KCNH8: variants seen among roughly 807,000 people sequenced by gnomAD.
KCNH8 encodes the protein voltage-gated delayed rectifier potassium channel KCNH8.
In KCNH8, 70 loss-of-function variants were observed where a neutral mutation model predicts 103.6. The observed-to-expected ratio is 0.68, with a 90% CI of 0.56 to 0.82. The LOEUF is 0.82. KCNH8 is among the 40% of genes least tolerant of loss of function. The pLI is 0.00. For synonymous variants in KCNH8, 498 were observed against 489.4 expected (o/e 1.02, Z -0.23); for missense variants, 1,217 against 1,329.9 (o/e 0.92, Z 1.32).
In KCNH8 at chr3:19,279,131, G is replaced by C. The variant is rs1329998712; in HGVS notation, c.311-2067G>C. The stretch of plus-strand genomic sequence containing the variant: ...CCCACTATTACTTTCTCTAAGGTCT[G>C]ATTATTAGTTTAGCCTGATGGCTCT... On this transcript the variant is annotated intron_variant, in intron 2 of 15. Transcript: ENST00000328405. Among the ~76,000 whole-genome samples, 11 of 152,280 alleles carry C rather than the reference G, an allele frequency of 7.2e-5. No individual in the cohort carries two copies. The East Asian group carries it at 2.1e-3, about 29-fold the overall frequency.
chr3:19,441,414 A>G (rs1016542089), intron 8 of KCNH8, among the ~76,000 whole-genome samples: 3 of 152,196 alleles, frequency 2.0e-5, no homozygotes, highest in Admixed American at 6.5e-5. Flanking sequence ...TGAAATATTT[A>G]GTGTAATTTC....
chr3:19,235,301 A>T lies in KCNH8; in HGVS notation c.77-18353A>T, dbSNP rs111948641. On this transcript the variant is annotated intron_variant, in intron 1 of 15. Transcript: ENST00000328405. ...CAAAATAATCCATATAGAATGATAC[A>T]ATTTATGTAAATTTTACAAGCACAT... 7.8e-3 allele frequency among the ~76,000 whole-genome samples: 1,194 copies of T among 152,296 alleles called. 20 individuals carry two copies. Among genetic ancestry groups the T allele is most frequent in the African/African-American group, 0.027 (1,115 of 41,548 alleles).
intron 5 of KCNH8, 104 bp downstream of exon 5, chr3:19,348,069 T>A (rs2125320354): frequency 7.2e-7 from 1 of 1,395,960 alleles, no homozygotes; most frequent in Non-Finnish European, 9.7e-7. Flanking sequence ...TTGCATGGGC[T>A]TGATTCAGCC....
chr3:19,170,743 T>TAC (rs542651184), intron 1 of KCNH8, among the ~76,000 whole-genome samples: 3,124 of 113,754 alleles, frequency 0.027, 285 homozygotes, highest in African/African-American at 0.1. Flanking sequence ...CACATATATA[T>TAC]ACACACACAT....
chr3:19,506,652 G>C (rs1189461767), intron 11 of KCNH8, among the ~76,000 whole-genome samples: 1 of 152,162 alleles, frequency 6.6e-6, no homozygotes, highest in Non-Finnish European at 1.5e-5. Context: ...ATTCTGGAGT[G>C]AGCTCAGGCT....
chr3:19,358,009 T>C (rs1443789731), intron 5 of KCNH8, among the ~76,000 whole-genome samples: 1 of 151,692 alleles, frequency 6.6e-6, no homozygotes, highest in Non-Finnish European at 1.5e-5. Context: ...AAAAAGAAAA[T>C]CTTCAAAGCC....
intron 3 of KCNH8, among the ~76,000 whole-genome samples, chr3:19,304,189 G>A (rs764524986): frequency 6.6e-6 from 1 of 152,122 alleles, no homozygotes; most frequent in Non-Finnish European, 1.5e-5. Context: ...GACAGCCCAT[G>A]AGAAAAATTC....
chr3:19,341,008 G>T (rs574883265), intron 3 of KCNH8, among the ~76,000 whole-genome samples: 2 of 152,260 alleles, frequency 1.3e-5, no homozygotes, highest in East Asian at 3.9e-4. Flanking sequence ...AGAGATCCAA[G>T]TTCCCTGTTC....
intron 11 of KCNH8, among the ~76,000 whole-genome samples, chr3:19,490,311 C>G (rs1311229835): frequency 6.6e-6 from 1 of 152,232 alleles, no homozygotes; most frequent in African/African-American, 2.4e-5. Flanking sequence ...CTGGGAGCAT[C>G]TGCAGACTCA....
chr3:19,426,567 A>G (rs1243678911), intron 7 of KCNH8, among the ~76,000 whole-genome samples: 3 of 150,664 alleles, frequency 2.0e-5, no homozygotes, highest in African/African-American at 7.3e-5. Flanking sequence ...CAAGATATGA[A>G]GTAAATTTTG....
chr3:19,404,118 A>G (rs2066656505), intron 7 of KCNH8, among the ~76,000 whole-genome samples: 1 of 151,960 alleles, frequency 6.6e-6, no homozygotes, highest in African/African-American at 2.4e-5. Flanking sequence ...AAGTTACAAG[A>G]GAAAACTAAT....
rs1163528137 is a variant in KCNH8 at position 19,170,810 on chromosome 3, A to ATTT, written c.76+22030_76+22032dup. On this transcript the variant is annotated intron_variant, in intron 1 of 15. Coordinates refer to ENST00000328405, the MANE Select transcript of KCNH8 (RefSeq NM_144633.3). ...CACACATATATATATATATATATAT[A>ATTT]TTTTTTTTTTTTTTTTTGAGACGAA... Among the ~76,000 whole-genome samples the ATTT allele has an allele frequency of 6.0e-4, 45 of 75,324 alleles. 1 individual carries two copies. Among genetic ancestry groups the ATTT allele is most frequent in the African/African-American group, 1.9e-3 (37 of 19,362 alleles). The allele number at this position is 75,324 out of a possible 152,430, so 49.4% of individuals were successfully genotyped here.
chr3:19,501,709 C>T (rs1205950154), intron 11 of KCNH8, among the ~76,000 whole-genome samples: 6 of 152,070 alleles, frequency 3.9e-5, no homozygotes, highest in South Asian at 4.2e-4. Flanking sequence ...AGAAAAGGCC[C>T]TTGACAAAAT....
intron 5 of KCNH8, among the ~76,000 whole-genome samples, chr3:19,374,988 T>G (rs1247907552): frequency 2.0e-5 from 3 of 152,052 alleles, no homozygotes; most frequent in Non-Finnish European, 4.4e-5. Context: ...GTTAGTCTGA[T>G]GGGCTTCCCT....
chr3:19,337,358 G>A (rs1461362873), intron 3 of KCNH8, among the ~76,000 whole-genome samples: 1 of 151,918 alleles, frequency 6.6e-6, no homozygotes, highest in Non-Finnish European at 1.5e-5. Context: ...ATGATGTTTT[G>A]TTCAGAAGTC....
intron 1 of KCNH8, among the ~76,000 whole-genome samples, chr3:19,250,949 C>A (rs1460062334): frequency 1.3e-5 from 2 of 152,154 alleles, no homozygotes; most frequent in Non-Finnish European, 2.9e-5. Context: ...CAGCAGTCAA[C>A]TGAAAAATGG....
At chr3:19,184,450 T>A (rs1017108637) in intron 1 of KCNH8, among the ~76,000 whole-genome samples, 11 of 151,966 alleles carry the variant, frequency 7.2e-5, no homozygotes, top group Non-Finnish European at 1.5e-4. Context: ...TTTTGATACA[T>A]AAGCACTTCA....
intron 3 of KCNH8, among the ~76,000 whole-genome samples, chr3:19,300,049 G>A (rs780627105): frequency 6.6e-6 from 1 of 152,038 alleles, no homozygotes; most frequent in African/African-American, 2.4e-5. Context: ...AGGGGTTCGA[G>A]ACCAGCCTGG....
intron 7 of KCNH8, among the ~76,000 whole-genome samples, chr3:19,430,410 G>GTT (rs538293062): frequency 1.3e-5 from 2 of 150,126 alleles, no homozygotes; most frequent in Admixed American, 1.3e-4. Flanking sequence ...CTCCAGCTTT[G>GTT]TTTTTTTTTG....
Sources: allele counts gnomAD v4.1 joint callset (sites outside exome capture counted in the v4.1 genomes callset), GRCh38; gene constraint gnomAD v4.1.1; transcripts MANE v1.5; gene names NCBI Gene and HGNC (gene_info 2026-07-23, HGNC 2026-07-21).